Variants in SLC6A15 observed in about 807,000 individuals in gnomAD.
The protein encoded by SLC6A15 is sodium-dependent neutral amino acid transporter B(0)AT2.
A neutral mutation model predicts 68.5 loss-of-function variants in SLC6A15; 33 were observed. The observed-to-expected ratio is 0.48, with a 90% CI of 0.37 to 0.64. SLC6A15 has a LOEUF of 0.64. Ranked by LOEUF, SLC6A15 falls within the 30% of genes least tolerant of loss-of-function variation. SLC6A15 has a pLI of 0.00. For synonymous variants in SLC6A15, 347 were observed against 301.0 expected (o/e 1.15, Z -1.58); for missense variants, 747 against 874.3 (o/e 0.85, Z 1.84).
At chr12:84,872,115 C>G (rs1871310875) in intron 8 of SLC6A15, among the ~76,000 whole-genome samples, 1 of 151,432 alleles carries the variant, frequency 6.6e-6, no homozygotes, top group Non-Finnish European at 1.5e-5. Flanking sequence ...CAAGATCGCA[C>G]CACTGCACCC....
Position 84,860,337 on chromosome 12 carries a change from C to G in SLC6A15, c.*1295G>C, listed in dbSNP as rs1048826233. The G allele has an allele frequency of 1.3e-5, 2 of 152,050 alleles. No homozygotes were observed. Among genetic ancestry groups the G allele is most frequent in the Non-Finnish European group, 2.9e-5 (2 of 67,940 alleles). The allele number at this position is 152,050 out of a possible 1,614,324, so 9.4% of individuals were successfully genotyped here. A position where few individuals can be genotyped will look rare whatever the true frequency, so the allele number is the denominator to read the frequency against. On this transcript the variant is annotated 3_prime_UTR_variant, in exon 12 of 12. Coordinates refer to ENST00000266682, the MANE Select transcript of SLC6A15 (RefSeq NM_182767.6). Reference sequence around the variant, plus strand: ...GCTCTATCCAATTTCATATATACAACAGTTTTATTTAAAAATCATAGTCTT... The same window carrying G: ...GCTCTATCCAATTTCATATATACAAGAGTTTTATTTAAAAATCATAGTCTT...
intron 5 of SLC6A15, chr12:84,882,363 C>T: frequency 2.0e-6 from 2 of 981,978 alleles, no homozygotes; most frequent in Non-Finnish European, 2.4e-6. Flanking sequence ...TCATATAATA[C>T]AATAACATTG....
At chr12:84,894,644 CA>C (rs1417892940) in intron 1 of SLC6A15, among the ~76,000 whole-genome samples, 4 of 152,056 alleles carry the variant, frequency 2.6e-5, no homozygotes, top group African/African-American at 7.2e-5. Context: ...ATTCTTTGGA[CA>C]AAAAATACAC....
intron 10 of SLC6A15, among the ~76,000 whole-genome samples, chr12:84,866,014 T>C (rs542898243): frequency 1.3e-5 from 2 of 152,338 alleles, no homozygotes; most frequent in East Asian, 3.9e-4. Context: ...CAGTACATGA[T>C]TATTAAATGT....
intron 5 of SLC6A15, among the ~76,000 whole-genome samples, chr12:84,878,788 C>T (rs1871681347): frequency 6.8e-6 from 1 of 147,244 alleles, no homozygotes; most frequent in Non-Finnish European, 1.6e-5. Flanking sequence ...ATCCCATAAA[C>T]CAACTGATCA....
chr12:84,887,745 CATT>C (rs1317709604), intron 2 of SLC6A15, among the ~76,000 whole-genome samples: 3 of 152,058 alleles, frequency 2.0e-5, no homozygotes, highest in Non-Finnish European at 4.4e-5. Context: ...TGACTGAACT[CATT>C]AGGGATTTTT....
intron 2 of SLC6A15, among the ~76,000 whole-genome samples, chr12:84,889,224 C>T (rs974445734): frequency 6.6e-6 from 1 of 152,198 alleles, no homozygotes; most frequent in African/African-American, 2.4e-5. Context: ...GGCGCGGTGG[C>T]TCATGCCTGT....
intron 1 of SLC6A15, among the ~76,000 whole-genome samples, chr12:84,899,522 T>A (rs1565732371): frequency 1.3e-5 from 2 of 152,166 alleles, no homozygotes. Context: ...ACTATTTTCA[T>A]TCTTTCCTTT....
At chr12:84,895,100 T>G (rs1872582881) in intron 1 of SLC6A15, among the ~76,000 whole-genome samples, 1 of 151,980 alleles carries the variant, frequency 6.6e-6, no homozygotes, top group Non-Finnish European at 1.5e-5. Flanking sequence ...TCTTGGTCTG[T>G]CTGGGGTGGT....
intron 1 of SLC6A15, among the ~76,000 whole-genome samples, chr12:84,908,270 T>A (rs1873265948): frequency 6.6e-6 from 1 of 152,128 alleles, no homozygotes; most frequent in South Asian, 2.1e-4. Context: ...TAAGACTTTT[T>A]TTAATACCCT....
In SLC6A15 at chr12:84,900,743, G is replaced by A. The variant is rs190589672; in HGVS notation, c.-188-8435C>T. On this transcript the variant is annotated intron_variant, in intron 1 of 11. Coordinates refer to ENST00000266682, the MANE Select transcript of SLC6A15 (RefSeq NM_182767.6). Reference sequence around the variant, plus strand: ...TCTATTCATATGGAGTATCACATTCGTTGCTTTTCTATCTTAAAACAATCT... The same window carrying A: ...TCTATTCATATGGAGTATCACATTCATTGCTTTTCTATCTTAAAACAATCT... Among the ~76,000 whole-genome samples, 170 of 150,962 alleles carry A rather than the reference G, an allele frequency of 1.1e-3. 1 individual carries two copies. Among genetic ancestry groups the A allele is most frequent in the African/African-American group, 3.8e-3 (157 of 41,266 alleles).
rs1196459861 is a variant in SLC6A15, at chr12:84,888,441, A to T, written c.290-2373T>A. Among the ~76,000 whole-genome samples, 4 of 152,306 alleles carry T rather than the reference A, an allele frequency of 2.6e-5. No homozygotes were observed. In the East Asian group the frequency reaches 7.7e-4, roughly 29 times the overall value. On this transcript the variant is annotated intron_variant, in intron 2 of 11. Transcript: ENST00000266682. ...GAATACTACTCAGCCATAAAAAGGA[A>T]CAAAATAATGCCCTTCATATTAAAT... is the stretch of plus-strand genomic sequence containing the variant.
Position 84,878,413 on chromosome 12 carries a change from C to T in SLC6A15, c.757-1806G>A, listed in dbSNP as rs73170074. Among the ~76,000 whole-genome samples, 1,192 of 151,894 alleles carry T rather than the reference C, an allele frequency of 7.8e-3. 11 individuals carry two copies. The highest frequency in any genetic ancestry group is 0.013 in the Non-Finnish European group (896 of 67,958). On this transcript the variant is annotated intron_variant, in intron 5 of 11. Transcript: ENST00000266682. The stretch of plus-strand genomic sequence containing the variant: ...TGATCTCACTTGAATTAAAGTAATC[C>T]CCTTTATGATTCTTCTTCAGAAATG...
chr12:84,889,410 A>C (rs1028681121), intron 2 of SLC6A15, among the ~76,000 whole-genome samples: 12 of 151,486 alleles, frequency 7.9e-5, no homozygotes, highest in Admixed American at 3.9e-4. Context: ...GAATGGCATG[A>C]ACCCGGGAGG....
intron 1 of SLC6A15, among the ~76,000 whole-genome samples, chr12:84,905,964 T>A (rs1873129976): frequency 6.6e-6 from 1 of 152,226 alleles, no homozygotes; most frequent in African/African-American, 2.4e-5. Context: ...TCCATACTTA[T>A]TTTTTGGTCA....
chr12:84,893,161 T>C (rs1336898987), intron 1 of SLC6A15, among the ~76,000 whole-genome samples: 1 of 152,156 alleles, frequency 6.6e-6, no homozygotes, highest in African/African-American at 2.4e-5. Flanking sequence ...AGCATGTTTT[T>C]AAGGATCTTA....
intron 1 of SLC6A15, among the ~76,000 whole-genome samples, chr12:84,900,889 T>C (rs1039001721): frequency 7.6e-6 from 1 of 131,004 alleles, no homozygotes; most frequent in Non-Finnish European, 1.6e-5. Flanking sequence ...AAAGTGGGTG[T>C]ATATATGTGT....
intron 1 of SLC6A15, among the ~76,000 whole-genome samples, chr12:84,910,777 C>T (rs2120756054): frequency 6.6e-6 from 1 of 152,316 alleles, no homozygotes. Context: ...CGCGGAGCAG[C>T]AAGCCATACT....
intron 5 of SLC6A15, 165 bp downstream of exon 5, chr12:84,883,694 A>T (rs1208008346): frequency 6.5e-7 from 1 of 1,541,298 alleles, no homozygotes; most frequent in Admixed American, 2.0e-5. Flanking sequence ...TTGTCTTTTT[A>T]AAAATGTAAG....
Sources: allele counts gnomAD v4.1 joint callset (sites outside exome capture counted in the v4.1 genomes callset), GRCh38; gene constraint gnomAD v4.1.1; transcripts MANE v1.5; gene names NCBI Gene and HGNC (gene_info 2026-07-23, HGNC 2026-07-21).